Variants in METTL8 observed in about 807,000 individuals in gnomAD.
METTL8 encodes the protein methyltransferase 8, tRNA N3-cytidine.
A neutral mutation model predicts 48.7 loss-of-function variants in METTL8; 32 were observed. The observed-to-expected ratio is 0.66, with a 90% CI of 0.50 to 0.88. METTL8 has a LOEUF of 0.88. Ranked by LOEUF, METTL8 falls within the 40% of genes least tolerant of loss-of-function variation. METTL8 has a pLI of 0.00. For synonymous variants in METTL8, 136 were observed against 157.1 expected (o/e 0.87, Z 1.01); for missense variants, 464 against 474.4 (o/e 0.98, Z 0.20).
At chr2:171,367,872 T>C (rs558447109) in intron 2 of METTL8, among the ~76,000 whole-genome samples, 10 of 152,330 alleles carry the variant, frequency 6.6e-5, no homozygotes, top group Admixed American at 1.3e-4. Context: ...TGTCTAGAGC[T>C]GTGGTTCTCA....
chr2:171,316,939 G>A lies in METTL8; in HGVS notation c.*7233C>T, dbSNP rs996136598. ...GCACAACTAAAGATGTAAGGAGAGCGATCGCATTCTTTACGCCAAGCATTC... is the reference window on the plus strand; with the variant it reads ...GCACAACTAAAGATGTAAGGAGAGCAATCGCATTCTTTACGCCAAGCATTC... On this transcript the variant is annotated 3_prime_UTR_variant, in exon 10 of 10. Transcript: ENST00000375258. Among the ~76,000 whole-genome samples, 7 of 152,160 alleles carry A rather than the reference G, an allele frequency of 4.6e-5. No homozygotes were observed. The highest frequency in any genetic ancestry group is 1.4e-4 in the African/African-American group (6 of 41,434).
intron 3 of METTL8, among the ~76,000 whole-genome samples, chr2:171,355,566 G>C (rs1320931570): frequency 6.6e-6 from 1 of 152,234 alleles, no homozygotes; most frequent in Non-Finnish European, 1.5e-5. Context: ...GCCCCCAGAG[G>C]TGGAGTCTAC....
chr2:171,411,648 A>T (rs1299421672), intron 1 of METTL8, among the ~76,000 whole-genome samples: 1 of 152,250 alleles, frequency 6.6e-6, no homozygotes, highest in East Asian at 1.9e-4. Flanking sequence ...TCGCTACTCC[A>T]TATCTAACAT....
intron 2 of METTL8, among the ~76,000 whole-genome samples, chr2:171,385,020 C>A (rs1390206856): frequency 6.6e-6 from 1 of 151,348 alleles, no homozygotes; most frequent in Non-Finnish European, 1.5e-5. Context: ...GTAAATAATC[C>A]TTAAAACCAA....
intron 2 of METTL8, among the ~76,000 whole-genome samples, chr2:171,385,058 T>C (rs16859371): frequency 0.031 from 4,755 of 152,124 alleles, 83 homozygotes; most frequent in East Asian, 0.051. Flanking sequence ...GAACTGTAGA[T>C]AATTCTGAGC....
rs560904558 is a variant in METTL8 at position 171,349,213 on chromosome 2, C to T, written c.236-9659G>A. 8.6e-4 allele frequency among the ~76,000 whole-genome samples: 131 copies of T among 152,068 alleles called. 1 individual carries two copies. The highest frequency in any genetic ancestry group is 7.5e-4 in the Non-Finnish European group (51 of 68,000). On this transcript the variant is annotated intron_variant, in intron 3 of 9. Transcript: ENST00000375258. Reference sequence around the variant, plus strand: ...CCAAATTATATATGTATTATAATTACAACTGCTTAAAATTATATACACATT... The same window carrying T: ...CCAAATTATATATGTATTATAATTATAACTGCTTAAAATTATATACACATT...
chr2:171,422,149 T>C (rs551502412), intron 1 of METTL8, among the ~76,000 whole-genome samples: 1 of 152,128 alleles, frequency 6.6e-6, no homozygotes, highest in Non-Finnish European at 1.5e-5. Flanking sequence ...AATAAGATAA[T>C]GGAACAGAAA....
chr2:171,424,831 G>A (rs1446419327), intron 1 of METTL8, among the ~76,000 whole-genome samples: 2 of 152,192 alleles, frequency 1.3e-5, no homozygotes, highest in African/African-American at 4.8e-5. Context: ...ATTGTGTTCT[G>A]AAATGTGAGG....
At chr2:171,383,330 G>A (rs186189317) in intron 2 of METTL8, among the ~76,000 whole-genome samples, 86 of 152,092 alleles carry the variant, frequency 5.7e-4, no homozygotes, top group African/African-American at 1.9e-3. Flanking sequence ...TACAGAAAAC[G>A]GCTTAGCTCA....
intron 1 of METTL8, among the ~76,000 whole-genome samples, chr2:171,394,805 G>T (rs745470811): frequency 6.6e-6 from 1 of 152,178 alleles, no homozygotes; most frequent in Admixed American, 6.5e-5. Flanking sequence ...TGAATTGTTT[G>T]ACTGATTACA....
At chr2:171,363,843 C>T (rs1473857554) in intron 2 of METTL8, among the ~76,000 whole-genome samples, 2 of 94,956 alleles carry the variant, frequency 2.1e-5, no homozygotes, top group African/African-American at 4.9e-5. Context: ...GATGGAGTCT[C>T]GCTGTGTTCC....
intron 6 of METTL8, among the ~76,000 whole-genome samples, chr2:171,330,916 C>T (rs752153004): frequency 2.6e-5 from 4 of 152,118 alleles, no homozygotes; most frequent in Admixed American, 6.5e-5. Flanking sequence ...ATATCCTTCG[C>T]AATCCCTCTT....
intron 3 of METTL8, among the ~76,000 whole-genome samples, chr2:171,355,255 G>GT (rs1553514211): frequency 6.6e-6 from 1 of 152,210 alleles, no homozygotes; most frequent in East Asian, 1.9e-4. Context: ...GTTAACCTAG[G>GT]TATCACCAGT....
At chr2:171,363,549 C>T (rs910255741) in intron 2 of METTL8, among the ~76,000 whole-genome samples, 6 of 151,214 alleles carry the variant, frequency 4.0e-5, no homozygotes, top group Admixed American at 1.3e-4. Context: ...CTTACTGAAA[C>T]GAAGTAACTT....
At chr2:171,367,707 C>T (rs1158270290) in intron 2 of METTL8, among the ~76,000 whole-genome samples, 2 of 152,120 alleles carry the variant, frequency 1.3e-5, no homozygotes, top group Non-Finnish European at 2.9e-5. Context: ...ATGATTATAG[C>T]ATTTACATAT....
intron 1 of METTL8, among the ~76,000 whole-genome samples, chr2:171,422,333 A>C (rs1691956971): frequency 6.6e-6 from 1 of 152,224 alleles, no homozygotes; most frequent in Admixed American, 6.5e-5. Flanking sequence ...CCATACTCTC[A>C]AATCAATTTC....
intron 1 of METTL8, among the ~76,000 whole-genome samples, chr2:171,415,284 C>A (rs62183462): frequency 0.028 from 4,314 of 151,494 alleles, 98 homozygotes; most frequent in Middle Eastern, 0.068. Context: ...GAATTTATAG[C>A]AGTTGTCACT....
intron 2 of METTL8, among the ~76,000 whole-genome samples, chr2:171,383,404 A>G (rs921033242): frequency 6.6e-6 from 1 of 152,188 alleles, no homozygotes; most frequent in Non-Finnish European, 1.5e-5. Flanking sequence ...TACTCTAAGC[A>G]ACCCTTGAAT....
At chr2:171,366,268 T>C (rs1559119056) in intron 2 of METTL8, among the ~76,000 whole-genome samples, 1 of 152,112 alleles carries the variant, frequency 6.6e-6, no homozygotes, top group Non-Finnish European at 1.5e-5. Context: ...CTTGAGTATT[T>C]AGTTAAGACC....
Sources: gnomAD v4.1 joint callset for allele counts (sites outside exome capture counted in the v4.1 genomes callset) on GRCh38, gnomAD v4.1.1 for gene constraint, MANE v1.5 for transcripts, NCBI Gene and HGNC (gene_info 2026-07-23, HGNC 2026-07-21) for gene names.